Variants in TCIRG1 observed in about 807,000 individuals in gnomAD.
TCIRG1 encodes the protein T cell immune regulator 1, ATPase H+ transporting V0 subunit a3, also known as V-type proton ATPase 116 kDa subunit a 3.
TCIRG1 carries 86 observed loss-of-function variants against 95.5 expected under a neutral mutation model. The observed-to-expected ratio is 0.90, with a 90% CI of 0.76 to 1.08. The LOEUF (loss-of-function observed/expected upper bound fraction) is 1.08. Among genes scored for constraint, TCIRG1 ranks in the 50% least tolerant of loss-of-function variants. The pLI is 0.00. For missense variants in TCIRG1, 1,069 were observed against 1,140.2 expected, an observed-to-expected ratio of 0.94 and a Z score of 0.90; for synonymous variants, 499 against 501.3, an observed-to-expected ratio of 1.00 and a Z score of 0.06.
At chr11:68,051,115 G>A (rs1015643651), downstream of TCIRG1, among the ~76,000 whole-genome samples, 1 of 152,228 alleles carries the variant, frequency 6.6e-6, no homozygotes, top group South Asian at 2.1e-4. Context: ...GCCGGGTCAG[G>A]GGAGTGAGCT....
downstream of TCIRG1, among the ~76,000 whole-genome samples, chr11:68,051,749 A>G (rs901688019): frequency 3.3e-5 from 5 of 152,168 alleles, no homozygotes; most frequent in East Asian, 1.9e-4. Flanking sequence ...AGGAGCAGAG[A>G]AGGCTAAATG....
At chr11:68,043,112 C>G in intron 5 of TCIRG1, 81 bp downstream of exon 5, 2 of 1,546,384 alleles carry the variant, frequency 1.3e-6, no homozygotes, top group Non-Finnish European at 1.7e-6. Context: ...GGCTGAGCTC[C>G]GACTCCTTGT....
In TCIRG1 at chr11:68,044,796, C is replaced by A. The variant is rs777117289; in HGVS notation, c.1021-162C>A. The A allele has an allele frequency of 9.0e-6, 8 of 888,626 alleles. No homozygotes were observed. In the East Asian group the frequency reaches 1.9e-4, roughly 21 times the overall value. 55.0% of individuals were successfully genotyped at this position (888,626 alleles called of 1,614,324 possible). A position where few individuals can be genotyped will look rare whatever the true frequency, so the allele number is the denominator to read the frequency against. ...TCCATGTGGTGTCTTTGGGCCCCCA[C>A]CAGGGCAGAGCAGGGCTGATCATCT... is the stretch of plus-strand genomic sequence containing the variant. On this transcript the variant is annotated intron_variant, in intron 9 of 19. Transcript: ENST00000265686.
rs375795306 is a variant in TCIRG1 at position 68,050,867 on chromosome 11, G to T, written c.*48G>T. ...ACCTCCTTCCTGACCTCTGAGGCAG[G>T]AGAGGAATAAAGACGGTCCGCCCTG... On this transcript the variant is annotated 3_prime_UTR_variant, in exon 20 of 20. Coordinates refer to ENST00000265686, the MANE Select transcript of TCIRG1 (RefSeq NM_006019.4). 1.3e-6 allele frequency: 2 copies of T among 1,597,472 alleles called. No homozygotes were observed. The highest frequency in any genetic ancestry group is 8.5e-7 in the Non-Finnish European group (1 of 1,169,906).
chr11:68,049,072 G>C lies in TCIRG1; in HGVS notation c.1674-9G>C, dbSNP rs929314412. The C allele has an allele frequency of 2.5e-6, 4 of 1,613,184 alleles. 1 individual carries two copies. The highest frequency in any genetic ancestry group is 2.2e-5 in the East Asian group (1 of 44,884). ...GCCCCAGTGAGCACACCTCCCTCTT[G>C]CCCGCCAGGCACTTTGGCCAGAGGC... On this transcript the variant is annotated splice_polypyrimidine_tract_variant and intron_variant, in intron 14 of 19. Coordinates refer to ENST00000265686, the MANE Select transcript of TCIRG1 (RefSeq NM_006019.4).
chr11:68,049,730 C>T lies in TCIRG1; in HGVS notation c.1955C>T (p.Pro652Leu), dbSNP rs1424735626. 6.3e-7 allele frequency: 1 copy of T among 1,587,472 alleles called. No homozygotes were observed. Among genetic ancestry groups the T allele is most frequent in the Non-Finnish European group, 8.5e-7 (1 of 1,172,486 alleles). Residue 652 changes from proline (P) to leucine (L), a missense_variant, in exon 16 of 20, where the codon CCC (proline) becomes CTC (leucine). Coordinates refer to ENST00000265686, the MANE Select transcript of TCIRG1 (RefSeq NM_006019.4). The stretch of plus-strand genomic sequence containing the variant: ...GTGCCCATCCTGCTGCTTGGCACAC[C>T]CCTGCACCTGCTGCACCGCCACCGC... Reference protein sequence around the residue: ...AMVPILLLGTPLHLLHRHRRR... With the variant: ...AMVPILLLGTLLHLLHRHRRR...
chr11:68,040,844 A>G (rs1026790473), intron 1 of TCIRG1, among the ~76,000 whole-genome samples: 1 of 152,144 alleles, frequency 6.6e-6, no homozygotes, highest in Non-Finnish European at 1.5e-5. Context: ...ATGCAGCTCC[A>G]CAGGGAGCAG....
chr11:68,046,036 G>A (rs1479297771), intron 10 of TCIRG1, among the ~76,000 whole-genome samples: 1 of 152,260 alleles, frequency 6.6e-6, no homozygotes, highest in East Asian at 1.9e-4. Context: ...CGTGGGCAGA[G>A]GCTGGTGCAG....
At chr11:68,052,276 A>G (rs891264493), downstream of TCIRG1, 2 of 152,364 alleles carry the variant, frequency 1.3e-5, no homozygotes, top group Admixed American at 6.5e-5. Flanking sequence ...TAGAATAGGA[A>G]GGCCTGAGAC....
rs376320516 is a variant in TCIRG1 at position 68,044,304 on chromosome 11, G to T, written c.980G>T (p.Arg327Leu). Residue 327 changes from arginine (R) to leucine (L), a missense_variant, in exon 9 of 20, where the codon CGA becomes CTA. Coordinates refer to ENST00000265686, the MANE Select transcript of TCIRG1 (RefSeq NM_006019.4). ...ATTGCCGAGGCCTGGTGCTCTGTGC[G>T]AGACCTGCCCGCCCTGCAGGAGGCC... ...CLIAEAWCSV[R>L]DLPALQEALR... is the part of the protein sequence containing the mutation. 76 of 1,602,768 alleles carry T rather than the reference G, an allele frequency of 4.7e-5. No homozygotes were observed. The highest frequency in any genetic ancestry group is 6.3e-5 in the Non-Finnish European group (74 of 1,177,086).
At position 68,047,912 on chromosome 11, in the gene TCIRG1, T is replaced by C. The variant is rs756496601; in HGVS notation, c.1494T>C (p.Leu498=). ...CATTCCTGGCCCAGCACACGATGCT[T>C]ACCCTGGATCCCAACGTCACCGGTG... ...SDAFLAQHTM[L]TLDPNVTGVF... is the part of the protein sequence containing the mutation. The change falls in exon 13 of 20, where the codon CTT becomes CTC. Residue 498 remains leucine (L), a synonymous_variant. Coordinates refer to ENST00000265686, the MANE Select transcript of TCIRG1 (RefSeq NM_006019.4). 6.2e-7 allele frequency: 1 copy of C among 1,613,664 alleles called. No homozygotes were observed. Among genetic ancestry groups the C allele is most frequent in the Non-Finnish European group, 8.5e-7 (1 of 1,180,006 alleles).
intron 9 of TCIRG1, chr11:68,044,672 A>C: frequency 1.7e-6 from 1 of 585,008 alleles, no homozygotes; most frequent in Non-Finnish European, 3.0e-6. Context: ...TCCGGGGGTC[A>C]CCCGCCGCGC....
At position 68,050,616 on chromosome 11, in the gene TCIRG1, T is replaced by C; in HGVS notation, c.2366T>C (p.Leu789Pro). 1 of 1,613,492 alleles carries C rather than the reference T, an allele frequency of 6.2e-7. No homozygotes were observed. Residue 789 changes from leucine to proline, a missense_variant, in exon 19 of 20, where the codon CTG (leucine) becomes CCG (proline). Coordinates refer to ENST00000265686, the MANE Select transcript of TCIRG1 (RefSeq NM_006019.4). ...GCCGTGATGACCGTGGCTATCCTGCTGGTGATGGAGGGACTCTCAGCCTTC... is the reference window on the plus strand; with the variant it reads ...GCCGTGATGACCGTGGCTATCCTGCCGGTGATGGAGGGACTCTCAGCCTTC... ...AFAVMTVAIL[L>P]VMEGLSAFLH...
At chr11:68,048,758 G>T (rs543012019) in intron 13 of TCIRG1, 121 bp from the exon 14 acceptor site, 3 of 832,238 alleles carry the variant, frequency 3.6e-6, no homozygotes, top group African/African-American at 3.3e-5. Context: ...GTGGGTGATG[G>T]ATGAGGCTGC....
chr11:68,048,501 C>T (rs1855622025), intron 13 of TCIRG1, among the ~76,000 whole-genome samples: 1 of 152,170 alleles, frequency 6.6e-6, no homozygotes, highest in Admixed American at 6.5e-5. Context: ...ACCATGTTGG[C>T]TAGGCTGGTC....
In TCIRG1 at chr11:68,044,182, G is replaced by A. The variant is rs770904133; in HGVS notation, c.858G>A (p.Leu286=). The change falls in exon 9 of 20, where the codon CTG becomes CTA. Residue 286 remains leucine, a synonymous_variant. Coordinates refer to ENST00000265686, the MANE Select transcript of TCIRG1 (RefSeq NM_006019.4). ...TGAGCCAGGTGCTAGGCCGGGTGCTGCAGCTGCTGCCGCCAGGGCAGGTGC... is the reference window on the plus strand; with the variant it reads ...TGAGCCAGGTGCTAGGCCGGGTGCTACAGCTGCTGCCGCCAGGGCAGGTGC... ...RFLSQVLGRV[L]QLLPPGQVQV... is the part of the protein sequence containing the mutation. 4 of 1,555,248 alleles carry A rather than the reference G, an allele frequency of 2.6e-6. No individual in the cohort carries two copies. Among genetic ancestry groups the A allele is most frequent in the East Asian group, 2.4e-5 (1 of 41,848 alleles).
rs573287519 is a variant in TCIRG1 at position 68,044,209 on chromosome 11, G to A, written c.885G>A (p.Gln295=). ...VLQLLPPGQV[Q]VHKMKAVYLA... is the part of the protein sequence containing the mutation. ...AGCTGCTGCCGCCAGGGCAGGTGCAGGTCCACAAGATGAAGGCCGTGTACC... is the reference window on the plus strand; with the variant it reads ...AGCTGCTGCCGCCAGGGCAGGTGCAAGTCCACAAGATGAAGGCCGTGTACC... Residue 295 remains glutamine (Q), a synonymous_variant, in exon 9 of 20, where the codon CAG becomes CAA. Transcript: ENST00000265686. 1.3e-6 allele frequency: 2 copies of A among 1,569,928 alleles called. No homozygotes were observed. Among genetic ancestry groups the A allele is most frequent in the African/African-American group, 2.7e-5 (2 of 74,246 alleles).
At chr11:68,052,787 C>G (rs368769919), downstream of TCIRG1, 3 of 152,192 alleles carry the variant, frequency 2.0e-5, no homozygotes, top group East Asian at 5.8e-4. Context: ...AGATGGAGCC[C>G]TCCGTGGGCT....
chr11:68,048,674 A>G (rs1855629778), intron 13 of TCIRG1, among the ~76,000 whole-genome samples: 1 of 152,226 alleles, frequency 6.6e-6, no homozygotes, highest in Admixed American at 6.5e-5. Context: ...ACTGAGGCAC[A>G]GAGGTCATGC....
Sources: gnomAD v4.1 joint callset for allele counts (sites outside exome capture counted in the v4.1 genomes callset) on GRCh38, gnomAD v4.1.1 for gene constraint, MANE v1.5 for transcripts, NCBI Gene and HGNC (gene_info 2026-07-23, HGNC 2026-07-21) for gene names.